Variants in PTPRA observed in about 807,000 individuals in gnomAD.
PTPRA encodes the protein receptor-type tyrosine-protein phosphatase alpha.
A neutral mutation model predicts 104.8 loss-of-function variants in PTPRA; 25 were observed. The ratio of observed to expected loss-of-function variants is 0.24; its 90% CI spans 0.17 to 0.33. The LOEUF (loss-of-function observed/expected upper bound fraction) is 0.33, where lower values mean the gene tolerates loss of function less well. Among genes scored for constraint, PTPRA ranks in the 10% least tolerant of loss-of-function variants. The probability of loss-of-function intolerance (pLI) is 1.00; values close to 1 mark genes in which losing one functional copy is unlikely to be tolerated. For synonymous variants in PTPRA, 323 were observed against 368.9 expected, an observed-to-expected ratio of 0.88 and a Z score of 1.43; for missense variants, 765 against 1,015.3, an observed-to-expected ratio of 0.75 and a Z score of 3.35.
chr20:2,923,896 G>A (rs1200028406), intron 2 of PTPRA, among the ~76,000 whole-genome samples: 1 of 152,154 alleles, frequency 6.6e-6, no homozygotes, highest in African/African-American at 2.4e-5. Context: ...TTTTTTAAGT[G>A]GGAATGTAAA....
At chr20:3,019,147 C>CG (rs1301201672) in intron 13 of PTPRA, among the ~76,000 whole-genome samples, 2 of 138,030 alleles carry the variant, frequency 1.4e-5, no homozygotes, top group African/African-American at 2.8e-5. Context: ...GCTGGCCGGG[C>CG]GGGGGGCTGA....
chr20:3,015,303 CTTTTTT>C (rs778457233), intron 11 of PTPRA, among the ~76,000 whole-genome samples: 5 of 134,652 alleles, frequency 3.7e-5, no homozygotes, highest in Non-Finnish European at 6.4e-5. Context: ...CTTTCTTTTT[CTTTTTT>C]TTTTTTTTTT....
intron 3 of PTPRA, among the ~76,000 whole-genome samples, chr20:2,957,477 G>A (rs1454708489): frequency 6.6e-6 from 1 of 152,212 alleles, no homozygotes; most frequent in Non-Finnish European, 1.5e-5. Context: ...AGATTGCCAT[G>A]GAGAGACAAC....
At chr20:2,867,898 A>C in the PTPRA span, among the ~76,000 whole-genome samples, 1 of 152,232 alleles carries the variant, frequency 6.6e-6, no homozygotes, top group African/African-American at 2.4e-5. Flanking sequence ...TCAAGGAGAT[A>C]TAAGTCAAAT....
upstream of PTPRA, among the ~76,000 whole-genome samples, chr20:2,869,326 C>G (rs2089400557): frequency 6.8e-6 from 1 of 146,950 alleles, no homozygotes; most frequent in South Asian, 2.3e-4. Flanking sequence ...TTTTGGTTTG[C>G]AATTTTTTTT....
chr20:2,894,893 A>G (rs1232395064), intron 1 of PTPRA, among the ~76,000 whole-genome samples: 1 of 151,346 alleles, frequency 6.6e-6, no homozygotes, highest in Non-Finnish European at 1.5e-5. Context: ...AGGCTGAGAC[A>G]GGAGAATGGG....
chr20:3,001,299 T>G (rs922125211), intron 9 of PTPRA, among the ~76,000 whole-genome samples: 6 of 152,236 alleles, frequency 3.9e-5, no homozygotes, highest in Non-Finnish European at 7.3e-5. Context: ...TCTCTCTTGT[T>G]AAACAATGGC....
chr20:2,911,879 G>GA (rs1009160853), intron 1 of PTPRA, among the ~76,000 whole-genome samples: 8 of 149,990 alleles, frequency 5.3e-5, no homozygotes, highest in East Asian at 3.9e-4. Context: ...GGAAGTCAGT[G>GA]AAAAAAAAAG....
chr20:3,035,305 C>T lies in PTPRA; in HGVS notation c.1921-280C>T, dbSNP rs776578729. On this transcript the variant is annotated intron_variant, in intron 20 of 23. Transcript: ENST00000399903. This position sits in a 1 kb window ranked among gnomAD's most constrained non-coding sequence, Gnocchi z 5.8. ...AGGAATTGGAACAAAGATTTTCACT[C>T]GTCCTCCTCTCCCTGCAGCCACCAA... Among the ~76,000 whole-genome samples the T allele has an allele frequency of 6.6e-6, 1 of 152,178 alleles. No individual in the cohort carries two copies. Among genetic ancestry groups the T allele is most frequent in the South Asian group, 2.1e-4 (1 of 4,826 alleles).
chr20:2,931,718 TTGTGTGTGTGTG>T (rs11469421), intron 2 of PTPRA, among the ~76,000 whole-genome samples: 1 of 149,716 alleles, frequency 6.7e-6, no homozygotes, highest in East Asian at 2.0e-4. Flanking sequence ...GGGTCTTGGC[TTGTGTGTGTGTG>T]TGTGTGTGTG....
At chr20:2,992,844 G>A (rs980964829) in intron 9 of PTPRA, among the ~76,000 whole-genome samples, 15 of 152,120 alleles carry the variant, frequency 9.9e-5, no homozygotes, top group African/African-American at 3.6e-4. Context: ...TTTAATCCTC[G>A]CACTTTGGGA....
chr20:2,893,793 A>G (rs1439275918), intron 1 of PTPRA, among the ~76,000 whole-genome samples: 1 of 152,060 alleles, frequency 6.6e-6, no homozygotes, highest in African/African-American at 2.4e-5. Flanking sequence ...CATGGTACAC[A>G]CTGCTTTTGA....
At position 2,923,217 on chromosome 20, in the gene PTPRA, TA is replaced by T. The variant is rs767557370; in HGVS notation, c.-109del. The T allele has an allele frequency of 7.0e-5, 84 of 1,200,850 alleles. No homozygotes were observed. Among genetic ancestry groups the T allele is most frequent in the East Asian group, 2.4e-4 (4 of 16,948 alleles). The allele number at this position is 1,200,850 out of a possible 1,614,324, so 74.4% of individuals were successfully genotyped here. ...TTCCTTTTGTTGCAGGTGACACAAC[TA>T]AAAAAAAACAAAGGTATTTATGGAA... On this transcript the variant is annotated 5_prime_UTR_variant, in exon 2 of 24. Transcript: ENST00000399903.
At chr20:2,909,855 T>C (rs1419790945) in intron 1 of PTPRA, among the ~76,000 whole-genome samples, 1 of 126,586 alleles carries the variant, frequency 7.9e-6, no homozygotes, top group East Asian at 2.1e-4. Flanking sequence ...TAAGATAATA[T>C]ATATTATATA....
chr20:2,978,373 T>C (rs1229272096), intron 6 of PTPRA, among the ~76,000 whole-genome samples: 5 of 152,280 alleles, frequency 3.3e-5, no homozygotes, highest in Non-Finnish European at 7.3e-5. Context: ...TAGGAAACAT[T>C]TAAAACAACA....
chr20:3,034,092 G>T (rs532675005), intron 20 of PTPRA, among the ~76,000 whole-genome samples: 62 of 152,120 alleles, frequency 4.1e-4, no homozygotes, highest in African/African-American at 1.4e-3. Flanking sequence ...CCGACATGGT[G>T]AAACCCTGTC....
chr20:2,881,657 A>G lies in PTPRA; in HGVS notation c.-129+7897A>G, dbSNP rs117161850. 1.2e-3 allele frequency among the ~76,000 whole-genome samples: 186 copies of G among 152,286 alleles called. 2 individuals are homozygous for G. The South Asian group carries it at 0.026, about 21-fold the overall frequency. On this transcript the variant is annotated intron_variant, in intron 1 of 23. Coordinates refer to ENST00000399903, the MANE Select transcript of PTPRA (RefSeq NM_001385305.1). ...TGGCCTTCCAAAGCTCTGGGACTAC[A>G]CATGTGAACCACCATGCCTGGCCAG...
At chr20:3,006,854 C>A (rs764919014) in intron 10 of PTPRA, among the ~76,000 whole-genome samples, 45 of 152,302 alleles carry the variant, frequency 3.0e-4, no homozygotes, top group Middle Eastern at 3.4e-3. Context: ...TGGTCTGGAA[C>A]TCCTGACCTC....
intron 2 of PTPRA, among the ~76,000 whole-genome samples, chr20:2,939,393 GA>G (rs1354313511): frequency 6.6e-6 from 1 of 152,192 alleles, no homozygotes; most frequent in Non-Finnish European, 1.5e-5. Context: ...ACATGGAGAA[GA>G]GGGGAAAGGC....
Sources: allele counts gnomAD v4.1 joint callset (sites outside exome capture counted in the v4.1 genomes callset), GRCh38; gene constraint gnomAD v4.1.1; non-coding constraint Gnocchi (gnomAD v3.1); transcripts MANE v1.5; gene names NCBI Gene and HGNC (gene_info 2026-07-23, HGNC 2026-07-21).